Variants in USP48 observed in about 807,000 individuals in gnomAD.
USP48 encodes the protein ubiquitin specific peptidase 48.
USP48 carries 43 observed loss-of-function variants against 150.7 expected under a neutral mutation model. The ratio of observed to expected loss-of-function variants is 0.29; its 90% CI spans 0.22 to 0.37. USP48 has a LOEUF of 0.37. Ranked by LOEUF, USP48 falls within the 10% of genes least tolerant of loss-of-function variation. The probability of loss-of-function intolerance (pLI) is 1.00; values close to 1 mark genes in which losing one functional copy is unlikely to be tolerated. For synonymous variants in USP48, 396 were observed against 425.9 expected (o/e 0.93, Z 0.86); for missense variants, 813 against 1,249.6 (o/e 0.65, Z 5.27).
intron 1 of USP48, among the ~76,000 whole-genome samples, chr1:21,764,042 A>G (rs2097856135): frequency 6.6e-6 from 1 of 152,160 alleles, no homozygotes. Context: ...AGGATCATTT[A>G]TCATCATGTG....
intron 15 of USP48, 30 bp from the exon 16 acceptor site, chr1:21,706,898 A>G (rs762828480): frequency 6.4e-7 from 1 of 1,567,670 alleles, no homozygotes; most frequent in South Asian, 1.2e-5. Context: ...TTTGGAAAAA[A>G]AAAAAACAGC....
intron 10 of USP48, among the ~76,000 whole-genome samples, chr1:21,729,184 G>A (rs949046691): frequency 6.6e-6 from 1 of 151,884 alleles, no homozygotes; most frequent in Admixed American, 6.6e-5. Flanking sequence ...TCGGGAGGCT[G>A]AGGCACAGAA....
Position 21,748,715 on chromosome 1 carries a change from G to A in USP48, c.775-444C>T, listed in dbSNP as rs116496564. 4.4e-3 allele frequency among the ~76,000 whole-genome samples: 674 copies of A among 152,264 alleles called. 5 individuals carry two copies. The highest frequency in any genetic ancestry group is 0.015 in the African/African-American group (624 of 41,538). On this transcript the variant is annotated intron_variant, in intron 6 of 26. Coordinates refer to ENST00000308271, the MANE Select transcript of USP48 (RefSeq NM_032236.8). Reference sequence around the variant, plus strand: ...CACTTGAGGCCAGGAATTCGAGACCGGCCTGGCTGCCCAGGTGAAACCCCG... The same window carrying A: ...CACTTGAGGCCAGGAATTCGAGACCAGCCTGGCTGCCCAGGTGAAACCCCG...
intron 8 of USP48, among the ~76,000 whole-genome samples, chr1:21,740,213 G>A (rs1255507567): frequency 4.6e-5 from 7 of 152,184 alleles, no homozygotes; most frequent in Non-Finnish European, 1.5e-5. Context: ...GCCCAGGCCA[G>A]TATTTGTCTT....
intron 9 of USP48, among the ~76,000 whole-genome samples, chr1:21,731,384 C>T (rs2097756386): frequency 6.6e-6 from 1 of 151,818 alleles, no homozygotes; most frequent in Admixed American, 6.6e-5. Context: ...CTGCCTTAGC[C>T]TCCCCATTAG....
At chr1:21,776,511 C>T (rs2097898720) in intron 1 of USP48, among the ~76,000 whole-genome samples, 1 of 147,308 alleles carries the variant, frequency 6.8e-6, no homozygotes, top group Non-Finnish European at 1.5e-5. Flanking sequence ...ACTGCTAGAG[C>T]CCAGGAGTTT....
chr1:21,777,840 C>A (rs1179485000), intron 1 of USP48, among the ~76,000 whole-genome samples: 3 of 151,784 alleles, frequency 2.0e-5, no homozygotes, highest in Admixed American at 6.6e-5. Context: ...ATAAAGAACA[C>A]AACTTGGCTG....
chr1:21,711,196 T>C (rs1003974659), intron 15 of USP48, among the ~76,000 whole-genome samples: 2 of 151,984 alleles, frequency 1.3e-5, no homozygotes, highest in South Asian at 4.2e-4. Flanking sequence ...TGAGACACAA[T>C]AAAAATTAAC....
At position 21,770,481 on chromosome 1, in the gene USP48, C is replaced by CTT. The variant is rs548583450; in HGVS notation, c.134+12341_134+12342dup. On this transcript the variant is annotated intron_variant, in intron 1 of 26. Coordinates refer to ENST00000308271, the MANE Select transcript of USP48 (RefSeq NM_032236.8). ...TTGTGATAATTAGTCAATCAAGTGT[C>CTT]TTTTTTTTTTTTTTTTTTTGAGACA... 1.3e-3 allele frequency among the ~76,000 whole-genome samples: 153 copies of CTT among 115,840 alleles called. 2 individuals are homozygous for CTT. Among genetic ancestry groups the CTT allele is most frequent in the African/African-American group, 2.7e-3 (82 of 30,274 alleles). The allele number at this position is 115,840 out of a possible 152,430, so 76.0% of individuals were successfully genotyped here.
chr1:21,751,652 T>C (rs1254286947), intron 5 of USP48, 37 bp from the exon 6 acceptor site: 2 of 1,523,234 alleles, frequency 1.3e-6, no homozygotes, highest in Non-Finnish European at 1.8e-6. Flanking sequence ...CAGATCAGAG[T>C]GTGAAAAGCA....
At chr1:21,771,918 C>CA (rs35718532) in intron 1 of USP48, among the ~76,000 whole-genome samples, 356 of 125,924 alleles carry the variant, frequency 2.8e-3, no homozygotes, top group African/African-American at 8.1e-3. Flanking sequence ...AACTCCATCT[C>CA]AAAAAAAAAA....
intron 15 of USP48, among the ~76,000 whole-genome samples, chr1:21,713,009 T>C (rs917371370): frequency 2.0e-5 from 3 of 152,130 alleles, no homozygotes; most frequent in Non-Finnish European, 4.4e-5. Flanking sequence ...CCTAAAAAAA[T>C]AACCCTTGTA....
chr1:21,776,307 T>C (rs2097898189), intron 1 of USP48, among the ~76,000 whole-genome samples: 1 of 152,192 alleles, frequency 6.6e-6, no homozygotes, highest in African/African-American at 2.4e-5. Context: ...CTGACACATG[T>C]GGTCTTTGAA....
rs577452605 is a variant in USP48, at chr1:21,744,267, G to A, written c.991+2800C>T. ...TCGAGACCAGCCTGGCCAATATGGC[G>A]AAATCCCATCTCTACTAAAGATACA... On this transcript the variant is annotated intron_variant, in intron 8 of 26. Transcript: ENST00000308271. Among the ~76,000 whole-genome samples the A allele has an allele frequency of 7.9e-5, 12 of 151,864 alleles. No homozygotes were observed. The Middle Eastern group carries it at 0.01, about 129-fold the overall frequency.
intron 12 of USP48, among the ~76,000 whole-genome samples, chr1:21,723,527 A>T (rs1182305670): frequency 6.6e-6 from 1 of 151,880 alleles, no homozygotes; most frequent in African/African-American, 2.4e-5. Context: ...AAAAAAAAAA[A>T]AGAAGTCACC....
intron 15 of USP48, chr1:21,715,105 TGAA>T (rs1206497985): frequency 1.9e-5 from 6 of 310,928 alleles, no homozygotes; most frequent in Non-Finnish European, 3.0e-5. Context: ...CCTAACAAGA[TGAA>T]GAAGAAGAAA....
At chr1:21,750,407 C>A (rs1464794676) in intron 6 of USP48, among the ~76,000 whole-genome samples, 1 of 152,112 alleles carries the variant, frequency 6.6e-6, no homozygotes, top group African/African-American at 2.4e-5. Flanking sequence ...GCACATTGCC[C>A]AGCGCCACAT....
chr1:21,778,028 A>G (rs1343621196), intron 1 of USP48, among the ~76,000 whole-genome samples: 1 of 151,110 alleles, frequency 6.6e-6, no homozygotes, highest in African/African-American at 2.4e-5. Flanking sequence ...CTGTAGTCCC[A>G]GCTACTCGGG....
chr1:21,742,498 C>T (rs1195471068), intron 8 of USP48, among the ~76,000 whole-genome samples: 2 of 147,236 alleles, frequency 1.4e-5, no homozygotes, highest in African/African-American at 5.0e-5. Context: ...GAGCCAAGAT[C>T]GCGGCACTGC....
Sources: allele counts gnomAD v4.1 joint callset (sites outside exome capture counted in the v4.1 genomes callset), GRCh38; gene constraint gnomAD v4.1.1; transcripts MANE v1.5; gene names NCBI Gene and HGNC (gene_info 2026-07-23, HGNC 2026-07-21).